SHOC2: variants seen among roughly 807,000 people sequenced by gnomAD.
The protein encoded by SHOC2 is leucine-rich repeat protein SHOC-2.
A neutral mutation model predicts 50.2 loss-of-function variants in SHOC2; 4 were observed. That is an observed-to-expected ratio of 0.08 (90% CI 0.04 to 0.18). The LOEUF is 0.18. SHOC2 is among the 10% of genes least tolerant of loss of function. The pLI, the probability that SHOC2 is intolerant of heterozygous loss-of-function variation, is 1.00. For synonymous variants in SHOC2, 218 were observed against 244.5 expected, an observed-to-expected ratio of 0.89 and a Z score of 1.01; for missense variants, 388 against 669.6, an observed-to-expected ratio of 0.58 and a Z score of 4.64.
intron 3 of SHOC2, among the ~76,000 whole-genome samples, chr10:110,993,648 A>C (rs1266755378): frequency 6.6e-6 from 1 of 152,194 alleles, no homozygotes; most frequent in Non-Finnish European, 1.5e-5. Flanking sequence ...AGATAATGTC[A>C]TGTAGCAATT....
intron 1 of SHOC2, among the ~76,000 whole-genome samples, chr10:110,933,344 A>G (rs1226551129): frequency 6.6e-6 from 1 of 152,068 alleles, no homozygotes; most frequent in Non-Finnish European, 1.5e-5. Flanking sequence ...GTTCTTCTAG[A>G]CTTTGAAAAT....
chr10:110,939,929 A>G (rs1847103149), intron 1 of SHOC2, among the ~76,000 whole-genome samples: 1 of 152,214 alleles, frequency 6.6e-6, no homozygotes, highest in African/African-American at 2.4e-5. Context: ...TTAAATGACT[A>G]TGAAGTTAAT....
chr10:111,003,519 C>A (rs1362102442), intron 4 of SHOC2, among the ~76,000 whole-genome samples: 2 of 152,066 alleles, frequency 1.3e-5, no homozygotes, highest in Non-Finnish European at 1.5e-5. Flanking sequence ...TGTATTTTAT[C>A]GCTTTTAGTC....
intron 1 of SHOC2, among the ~76,000 whole-genome samples, chr10:110,948,563 AAATC>A (rs1218132041): frequency 1.3e-5 from 2 of 152,226 alleles, no homozygotes; most frequent in Non-Finnish European, 2.9e-5. Context: ...ATGAAACTAG[AAATC>A]AATAACACCA....
intron 1 of SHOC2, among the ~76,000 whole-genome samples, chr10:110,952,720 G>A (rs574453139): frequency 5.3e-5 from 8 of 152,056 alleles, no homozygotes; most frequent in East Asian, 3.9e-4. Flanking sequence ...CCCTTGCCCC[G>A]CACCTCGCAA....
chr10:110,935,118 C>T (rs1235097651), intron 1 of SHOC2, among the ~76,000 whole-genome samples: 1 of 152,176 alleles, frequency 6.6e-6, no homozygotes. Context: ...CTTTTTCTCA[C>T]TTAACTATAA....
chr10:110,945,944 AT>A (rs1410158682), intron 1 of SHOC2, among the ~76,000 whole-genome samples: 1 of 151,938 alleles, frequency 6.6e-6, no homozygotes, highest in Non-Finnish European at 1.5e-5. Flanking sequence ...TACCCACCCT[AT>A]CCCAATTGGC....
chr10:110,988,104 A>G (rs1848115078), intron 3 of SHOC2, among the ~76,000 whole-genome samples: 1 of 152,164 alleles, frequency 6.6e-6, no homozygotes. Flanking sequence ...CCAAGAAGAA[A>G]TAAATTAAAA....
chr10:110,965,562 AT>A (rs397845551), intron 2 of SHOC2, among the ~76,000 whole-genome samples: 2 of 151,560 alleles, frequency 1.3e-5, no homozygotes, highest in African/African-American at 4.8e-5. Context: ...TAGAAAAAAA[AT>A]TTTTTTTTGC....
intron 1 of SHOC2, among the ~76,000 whole-genome samples, chr10:110,940,905 G>T (rs1847124953): frequency 7.9e-6 from 1 of 126,278 alleles, no homozygotes; most frequent in Non-Finnish European, 1.7e-5. Flanking sequence ...TGGTATTTGT[G>T]GTGGGTTTTT....
At chr10:110,936,529 T>G in intron 1 of SHOC2, 1 of 623,876 alleles carries the variant, frequency 1.6e-6, no homozygotes, top group East Asian at 2.8e-5. Flanking sequence ...ACTATTGCAG[T>G]ATTTATCTTG....
intron 2 of SHOC2, among the ~76,000 whole-genome samples, chr10:110,983,861 T>C (rs1848029955): frequency 6.6e-6 from 1 of 152,268 alleles, no homozygotes; most frequent in Admixed American, 6.5e-5. Context: ...TATTCAAGTC[T>C]GTATAATACT....
rs1590835179 is a variant in SHOC2 at position 111,004,637 on chromosome 10, G to A, written c.1004G>A (p.Ser335Asn). Residue 335 changes from serine to asparagine, a missense_variant, in exon 5 of 9, where the codon AGT (serine) becomes AAT (asparagine). Around this residue, in one of 5 missense-constraint regions of SHOC2, gnomAD observed 48 missense variants for 151.6 expected, o/e 0.32. Transcript: ENST00000369452. The stretch of plus-strand genomic sequence containing the variant: ...TTATCAAGTCTTGTGAAACTGAATA[G>A]TTTGACCTTAGCTAGAAATTGCTTC... The part of the protein sequence containing the change: ...SLLSSLVKLN[S>N]LTLARNCFQL... The A allele has an allele frequency of 1.2e-6, 2 of 1,613,332 alleles. No individual in the cohort carries two copies. Among genetic ancestry groups the A allele is most frequent in the East Asian group, 2.2e-5 (1 of 44,868 alleles).
intron 2 of SHOC2, among the ~76,000 whole-genome samples, chr10:110,977,035 A>G (rs1483314629): frequency 6.6e-6 from 1 of 152,180 alleles, no homozygotes; most frequent in Admixed American, 6.5e-5. Context: ...GTTCTATACA[A>G]TGAAGTTTTC....
At chr10:110,970,912 CATA>C (rs753875769) in intron 2 of SHOC2, among the ~76,000 whole-genome samples, 14 of 151,944 alleles carry the variant, frequency 9.2e-5, no homozygotes, top group Non-Finnish European at 1.8e-4. Flanking sequence ...TTTTAAATCA[CATA>C]ATGATGATTA....
intron 1 of SHOC2, among the ~76,000 whole-genome samples, chr10:110,933,658 G>C (rs74156317): frequency 1.5e-4 from 23 of 152,238 alleles, no homozygotes; most frequent in African/African-American, 5.5e-4. Flanking sequence ...ATGGAGCTGG[G>C]CGCAGTGGCA....
At chr10:110,926,019 C>T (rs895765872) in intron 1 of SHOC2, among the ~76,000 whole-genome samples, 4 of 152,188 alleles carry the variant, frequency 2.6e-5, no homozygotes, top group Non-Finnish European at 5.9e-5. Context: ...CTGGTGTCAT[C>T]GGCTTGGTTA....
rs148354699 is a variant in SHOC2 at position 110,988,778 on chromosome 10, C to G, written c.841+3013C>G. The G allele has an allele frequency of 1.8e-4, 49 of 277,622 alleles. No individual in the cohort carries two copies. In the East Asian group the frequency reaches 2.8e-3, roughly 16 times the overall value. 17.2% of individuals were successfully genotyped at this position (277,622 alleles called of 1,614,324 possible). On this transcript the variant is annotated intron_variant, in intron 3 of 8. Coordinates refer to ENST00000369452, the MANE Select transcript of SHOC2 (RefSeq NM_007373.4). The stretch of plus-strand genomic sequence containing the variant: ...CAGCTTGAGGTCATTAATTTGAGAC[C>G]TTTCTATTATTCTCATAAAGACAGT...
At chr10:110,998,561 G>C (rs1373665307) in intron 3 of SHOC2, among the ~76,000 whole-genome samples, 1 of 152,026 alleles carries the variant, frequency 6.6e-6, no homozygotes, top group African/African-American at 2.4e-5. Context: ...TGTGCCGGTT[G>C]GAATCTCACT....
Sources: gnomAD v4.1 joint callset for allele counts (sites outside exome capture counted in the v4.1 genomes callset) on GRCh38, gnomAD v4.1.1 for gene constraint, gnomAD v4.1.1 regional missense constraint, MANE v1.5 for transcripts, NCBI Gene and HGNC (gene_info 2026-07-23, HGNC 2026-07-21) for gene names.